The following PIAS4 variants were observed in gnomAD, a reference collection of about 807,000 sequenced individuals.
PIAS4 encodes protein inhibitor of activated STAT 4.
A neutral mutation model predicts 58.0 loss-of-function variants in PIAS4; 7 were observed. The observed-to-expected ratio is 0.12, with a 90% CI of 0.07 to 0.23. PIAS4 has a LOEUF of 0.23. Ranked by LOEUF, PIAS4 falls within the 10% of genes least tolerant of loss-of-function variation. The pLI is 1.00. For missense variants in PIAS4, 550 were observed against 709.5 expected (o/e 0.78, Z 2.55); for synonymous variants, 364 against 312.4 (o/e 1.17, Z -1.74).
chr19:4,033,688 G>T, intron 9 of PIAS4, 108 bp downstream of exon 9: 1 of 898,616 alleles, frequency 1.1e-6, no homozygotes, highest in African/African-American at 1.7e-5. Context: ...ACACAGCAGT[G>T]GGGGCACATG....
intron 1 of PIAS4, among the ~76,000 whole-genome samples, 191 bp downstream of exon 1, chr19:4,007,978 C>T (rs976598818): frequency 2.6e-5 from 4 of 151,386 alleles, no homozygotes; most frequent in African/African-American, 9.7e-5. Flanking sequence ...GGGGCGGGGC[C>T]CTCCTGCCTC....
Position 4,037,715 on chromosome 19 carries a change from A to C in PIAS4, c.1373A>C (p.Asn458Thr). 2 of 1,611,820 alleles carry C rather than the reference A, an allele frequency of 1.2e-6. No homozygotes were observed. Among genetic ancestry groups the C allele is most frequent in the Non-Finnish European group, 1.7e-6 (2 of 1,179,540 alleles). Residue 458 changes from asparagine (N) to threonine (T), a missense_variant, in exon 11 of 11, where the codon AAT becomes ACT. This residue lies in a region of PIAS4 where 188 missense variants were observed against 192.0 expected (regional missense o/e 0.98). Coordinates refer to ENST00000262971, the MANE Select transcript of PIAS4 (RefSeq NM_015897.4). The surrounding 1 kb of genome is among the most constrained non-coding windows in gnomAD (Gnocchi z 5.8). ...GGCGGCCCGGTGGGCAGCATGGAGA[A>C]TGGGAAGCCGGGCGCCGATGTGGTG... is the stretch of plus-strand genomic sequence containing the variant. ...GGGGPVGSME[N>T]GKPGADVVDL...
At chr19:4,012,377 TATA>T (rs1002452778) in intron 1 of PIAS4, among the ~76,000 whole-genome samples, 4 of 152,070 alleles carry the variant, frequency 2.6e-5, no homozygotes, top group African/African-American at 9.7e-5. Context: ...CAGAGTTAAA[TATA>T]TAATCACATG....
rs180741875 is a variant in PIAS4 at position 4,027,487 on chromosome 19, C to T, written c.540-659C>T. Among the ~76,000 whole-genome samples, 26 of 151,418 alleles carry T rather than the reference C, an allele frequency of 1.7e-4. No individual in the cohort carries two copies. The East Asian group carries it at 4.9e-3, about 28-fold the overall frequency. On this transcript the variant is annotated intron_variant, in intron 3 of 10. Coordinates refer to ENST00000262971, the MANE Select transcript of PIAS4 (RefSeq NM_015897.4). ...GTTCTGCTGTGAACATCCACGGATG[C>T]GTCTTTGGGTAGATAGACTTTTTCC...
Position 4,013,420 on chromosome 19 carries a change from CACA to C in PIAS4, c.454+72_454+74del. The C allele has an allele frequency of 1.5e-6, 2 of 1,365,764 alleles. No homozygotes were observed. Among genetic ancestry groups the C allele is most frequent in the Non-Finnish European group, 2.0e-6 (2 of 984,480 alleles). The allele number at this position is 1,365,764 out of a possible 1,614,324, so 84.6% of individuals were successfully genotyped here. A position where few individuals can be genotyped will look rare whatever the true frequency, so the allele number is the denominator to read the frequency against. On this transcript the variant is annotated intron_variant, in intron 2 of 10. Transcript: ENST00000262971. This position sits in a 1 kb window ranked among gnomAD's most constrained non-coding sequence, Gnocchi z 5.1. ...GCCCCGTCGCCCAGCCCAGCCCAGCCACACAGCCGACTTCGAGTGATGTTCTCT... is the reference window on the plus strand; with the variant it reads ...GCCCCGTCGCCCAGCCCAGCCCAGCCCAGCCGACTTCGAGTGATGTTCTCT...
chr19:4,008,435 C>A (rs2039963599), intron 1 of PIAS4, among the ~76,000 whole-genome samples: 1 of 152,086 alleles, frequency 6.6e-6, no homozygotes, highest in Admixed American at 6.5e-5. Flanking sequence ...CCCTCTTCAG[C>A]TCCTGCATTG....
In PIAS4 at chr19:4,013,428, C is replaced by A; in HGVS notation, c.454+79C>A. The A allele has an allele frequency of 7.7e-7, 1 of 1,290,482 alleles. No homozygotes were observed. The highest frequency in any genetic ancestry group is 1.3e-5 in the South Asian group (1 of 75,212). 79.9% of individuals were successfully genotyped at this position (1,290,482 alleles called of 1,614,324 possible). On this transcript the variant is annotated intron_variant, in intron 2 of 10. Coordinates refer to ENST00000262971, the MANE Select transcript of PIAS4 (RefSeq NM_015897.4). This position sits in a 1 kb window ranked among gnomAD's most constrained non-coding sequence, Gnocchi z 5.1. ...GCCCAGCCCAGCCCAGCCACACAGC[C>A]GACTTCGAGTGATGTTCTCTGTGGC...
At chr19:4,014,921 G>A (rs1287985127) in intron 2 of PIAS4, among the ~76,000 whole-genome samples, 1 of 152,236 alleles carries the variant, frequency 6.6e-6, no homozygotes, top group Non-Finnish European at 1.5e-5. Flanking sequence ...GAGGATGGAG[G>A]AAGTGGAGGA....
intron 4 of PIAS4, 56 bp downstream of exon 4, chr19:4,028,243 C>A: frequency 6.7e-7 from 1 of 1,485,864 alleles, no homozygotes; most frequent in Non-Finnish European, 9.2e-7. Flanking sequence ...CCCGCCCCTC[C>A]CCGCCCCCCA....
intron 1 of PIAS4, among the ~76,000 whole-genome samples, chr19:4,011,351 C>T (rs188083553): frequency 3.3e-5 from 5 of 152,354 alleles, no homozygotes; most frequent in Admixed American, 6.5e-5. Context: ...GCCCATCCCT[C>T]GAGGACACCT....
rs1458809606 is a variant in PIAS4 at position 4,037,919 on chromosome 19, G to A, written c.*44G>A. On this transcript the variant is annotated 3_prime_UTR_variant, in exon 11 of 11. Coordinates refer to ENST00000262971, the MANE Select transcript of PIAS4 (RefSeq NM_015897.4). The surrounding 1 kb of genome is among the most constrained non-coding windows in gnomAD (Gnocchi z 5.8). ...CTTTCCTGGTGCTCACCACGCAGAGGGGCACGGGCCAGCCTCGGGCGCAGA... is the reference window on the plus strand; with the variant it reads ...CTTTCCTGGTGCTCACCACGCAGAGAGGCACGGGCCAGCCTCGGGCGCAGA... 5.8e-6 allele frequency: 9 copies of A among 1,550,712 alleles called. No homozygotes were observed. In the Admixed American group the frequency reaches 5.9e-5, roughly 10 times the overall value.
At position 4,013,494 on chromosome 19, in the gene PIAS4, C is replaced by G. The variant is rs1413576720; in HGVS notation, c.454+145C>G. On this transcript the variant is annotated intron_variant, in intron 2 of 10. Coordinates refer to ENST00000262971, the MANE Select transcript of PIAS4 (RefSeq NM_015897.4). This position sits in a 1 kb window ranked among gnomAD's most constrained non-coding sequence, Gnocchi z 5.1. The stretch of plus-strand genomic sequence containing the variant: ...AGCCACAGTGGCCAGGGGTGTCCTT[C>G]CTCGGAAGCAAAGGGACCATCTTTG... 13 of 682,354 alleles carry G rather than the reference C, an allele frequency of 1.9e-5. No homozygotes were observed. The highest frequency in any genetic ancestry group is 3.2e-5 in the Non-Finnish European group (13 of 407,928). The allele number at this position is 682,354 out of a possible 1,614,324, so 42.3% of individuals were successfully genotyped here. A position where few individuals can be genotyped will look rare whatever the true frequency, so the allele number is the denominator to read the frequency against.
chr19:4,028,987 G>A lies in PIAS4; in HGVS notation c.858G>A (p.Gln286=). 6.2e-7 allele frequency: 1 copy of A among 1,610,986 alleles called. No individual in the cohort carries two copies. The part of the protein sequence containing the change: ...VRQLTSSELL[Q]RLKTIGVKHP... ...AGCTGACCTCATCGGAGCTGCTGCA[G>A]AGGCTGAAGACCATTGGGGTAAAGC... The change falls in exon 7 of 11, where the codon CAG becomes CAA. Residue 286 remains glutamine (Q), a synonymous_variant. Coordinates refer to ENST00000262971, the MANE Select transcript of PIAS4 (RefSeq NM_015897.4).
rs145383098 is a variant in PIAS4 at position 4,035,339 on chromosome 19, C to A, written c.1142+1759C>A. The stretch of plus-strand genomic sequence containing the variant: ...GTGGGGCAGGGGGCCTCTCCTCAGA[C>A]GCCCCCCAGCCACTGCACCTTTCCC... On this transcript the variant is annotated intron_variant, in intron 9 of 10. Transcript: ENST00000262971. 4.8e-3 allele frequency among the ~76,000 whole-genome samples: 730 copies of A among 152,250 alleles called. 2 individuals carry two copies. The highest frequency in any genetic ancestry group is 0.013 in the Admixed American group (204 of 15,308).
At chr19:4,035,881 A>C (rs2040272138) in intron 9 of PIAS4, among the ~76,000 whole-genome samples, 1 of 93,360 alleles carries the variant, frequency 1.1e-5, no homozygotes, top group African/African-American at 4.0e-5. Flanking sequence ...TCACACACAC[A>C]CCCGCACACA....
intron 7 of PIAS4, among the ~76,000 whole-genome samples, chr19:4,029,635 G>C (rs1412717584): frequency 2.6e-5 from 4 of 151,638 alleles, no homozygotes; most frequent in Non-Finnish European, 5.9e-5. Context: ...ACTCCAGCCT[G>C]GGCTGCAGAG....
chr19:4,024,762 GT>G (rs149421334), intron 3 of PIAS4, among the ~76,000 whole-genome samples: 7,878 of 149,710 alleles, frequency 0.053, 677 homozygotes, highest in African/African-American at 0.18. Flanking sequence ...GTGTTTTTTT[GT>G]TTTTTTTTTT....
intron 7 of PIAS4, among the ~76,000 whole-genome samples, chr19:4,030,093 A>G (rs2040208816): frequency 6.7e-6 from 1 of 150,338 alleles, no homozygotes; most frequent in Non-Finnish European, 1.5e-5. Flanking sequence ...AAGTGCTGGG[A>G]TTACAGGCGT....
rs2040318976 is a variant in PIAS4, at chr19:4,037,921, G to C, written c.*46G>C. 1 of 1,544,822 alleles carries C rather than the reference G, an allele frequency of 6.5e-7. No homozygotes were observed. Among genetic ancestry groups the C allele is most frequent in the Non-Finnish European group, 8.7e-7 (1 of 1,152,196 alleles). ...TTCCTGGTGCTCACCACGCAGAGGG[G>C]CACGGGCCAGCCTCGGGCGCAGAGG... On this transcript the variant is annotated 3_prime_UTR_variant, in exon 11 of 11. Coordinates refer to ENST00000262971, the MANE Select transcript of PIAS4 (RefSeq NM_015897.4). This position sits in a 1 kb window ranked among gnomAD's most constrained non-coding sequence, Gnocchi z 5.8.
Sources: allele counts gnomAD v4.1 joint callset (sites outside exome capture counted in the v4.1 genomes callset), GRCh38; gene constraint gnomAD v4.1.1; regional missense constraint gnomAD v4.1.1; non-coding constraint Gnocchi (gnomAD v3.1); transcripts MANE v1.5; gene names NCBI Gene and HGNC (gene_info 2026-07-23, HGNC 2026-07-21).